ZFAND3: variants seen among roughly 807,000 people sequenced by gnomAD.
ZFAND3 encodes the protein AN1-type zinc finger protein 3.
A neutral mutation model predicts 29.6 loss-of-function variants in ZFAND3; 10 were observed. The observed-to-expected ratio is 0.34, with a 90% CI of 0.21 to 0.57. The LOEUF (loss-of-function observed/expected upper bound fraction) is 0.57. ZFAND3 is among the 20% of genes least tolerant of loss of function. The pLI is 0.86. For missense variants in ZFAND3, 230 were observed against 304.5 expected, an observed-to-expected ratio of 0.76 and a Z score of 1.82; for synonymous variants, 128 against 112.6, an observed-to-expected ratio of 1.14 and a Z score of -0.87.
intron 5 of ZFAND3, among the ~76,000 whole-genome samples, chr6:38,130,056 A>G (rs1258962804): frequency 6.6e-6 from 1 of 151,278 alleles, no homozygotes; most frequent in African/African-American, 2.4e-5. Flanking sequence ...GTATATTCCT[A>G]AGTTTTCATT....
intron 1 of ZFAND3, among the ~76,000 whole-genome samples, chr6:37,884,856 G>T (rs758603525): frequency 2.0e-5 from 3 of 152,198 alleles, no homozygotes; most frequent in Non-Finnish European, 2.9e-5. Context: ...GCCCTTGCCA[G>T]ATAGGACTAG....
At chr6:37,919,973 A>T (rs1277411717) in intron 1 of ZFAND3, among the ~76,000 whole-genome samples, 1 of 151,704 alleles carries the variant, frequency 6.6e-6, no homozygotes, top group Non-Finnish European at 1.5e-5. Flanking sequence ...CCTCTTTTGA[A>T]ATCCCAAACA....
rs533491767 is a variant in ZFAND3 at position 38,045,148 on chromosome 6, C to T, written c.113-16445C>T. Among the ~76,000 whole-genome samples the T allele has an allele frequency of 1.0e-3, 158 of 150,938 alleles. 1 individual carries two copies. In the Middle Eastern group the frequency reaches 0.014, roughly 13 times the overall value. The stretch of plus-strand genomic sequence containing the variant: ...GTCGCCCAGACTGGAGTGTTAGTGG[C>T]GGGATCTTGGCTCACTGCAACCTCC... On this transcript the variant is annotated intron_variant, in intron 2 of 5. Transcript: ENST00000287218.
chr6:38,093,917 A>G (rs1764922044), intron 4 of ZFAND3, among the ~76,000 whole-genome samples: 1 of 152,174 alleles, frequency 6.6e-6, no homozygotes, highest in Non-Finnish European at 1.5e-5. Flanking sequence ...CTAAAATACA[A>G]AGAAAAGGGA....
At chr6:37,945,342 C>T (rs1163316537) in intron 2 of ZFAND3, among the ~76,000 whole-genome samples, 1 of 152,146 alleles carries the variant, frequency 6.6e-6, no homozygotes, top group Non-Finnish European at 1.5e-5. Context: ...TGGAAAAATA[C>T]CACGTGGAGG....
At chr6:37,983,059 C>T (rs1314223363) in intron 2 of ZFAND3, among the ~76,000 whole-genome samples, 1 of 152,112 alleles carries the variant, frequency 6.6e-6, no homozygotes, top group Non-Finnish European at 1.5e-5. Flanking sequence ...TTTTGTACAG[C>T]TGTACATTGT....
intron 4 of ZFAND3, among the ~76,000 whole-genome samples, chr6:38,100,133 G>T (rs1236471340): frequency 2.0e-5 from 3 of 151,684 alleles, no homozygotes; most frequent in African/African-American, 7.3e-5. Context: ...GCATGACCTC[G>T]GCTCACTGCA....
chr6:37,874,855 G>A (rs1764764108), intron 1 of ZFAND3, among the ~76,000 whole-genome samples: 1 of 152,126 alleles, frequency 6.6e-6, no homozygotes, highest in African/African-American at 2.4e-5. Context: ...TATTACAGGT[G>A]TGAGCTACTG....
Position 37,822,558 on chromosome 6 carries a change from T to C in ZFAND3, c.71+2542T>C, listed in dbSNP as rs545550463. Among the ~76,000 whole-genome samples, 17 of 152,246 alleles carry C rather than the reference T, an allele frequency of 1.1e-4. No homozygotes were observed. The East Asian group carries it at 1.9e-3, about 17-fold the overall frequency. On this transcript the variant is annotated intron_variant, in intron 1 of 5. Transcript: ENST00000287218. ...AGATATTTGAATGCCTGTGATATAA[T>C]GGTGGGCAAGGAGGTGCTGGCCCCA...
chr6:38,018,855 T>C lies in ZFAND3; in HGVS notation c.113-42738T>C, dbSNP rs544392250. ...TGTATGTGCACTTTTCATTTTGATA[T>C]TGCCAAATTGCCCTCTGTAGAGGTT... On this transcript the variant is annotated intron_variant, in intron 2 of 5. Coordinates refer to ENST00000287218, the MANE Select transcript of ZFAND3 (RefSeq NM_021943.3). 1.3e-3 allele frequency among the ~76,000 whole-genome samples: 203 copies of C among 152,336 alleles called. 1 individual carries two copies. Among genetic ancestry groups the C allele is most frequent in the African/African-American group, 4.7e-3 (197 of 41,578 alleles).
At chr6:38,094,744 C>T (rs566614418) in intron 4 of ZFAND3, among the ~76,000 whole-genome samples, 4 of 152,272 alleles carry the variant, frequency 2.6e-5, no homozygotes, top group Non-Finnish European at 4.4e-5. Flanking sequence ...ATCATATCTT[C>T]GGTCGGCTAC....
chr6:37,957,831 G>A lies in ZFAND3; in HGVS notation c.112+27832G>A, dbSNP rs140916570. On this transcript the variant is annotated intron_variant, in intron 2 of 5. Transcript: ENST00000287218. ...TTATGAGGAAAAGCAGCAGGACCCT[G>A]GTAAATATTCCTGGTGGGATAATTT... Among the ~76,000 whole-genome samples, 8 of 152,196 alleles carry A rather than the reference G, an allele frequency of 5.3e-5. No individual in the cohort carries two copies. The East Asian group carries it at 1.5e-3, about 29-fold the overall frequency.
chr6:38,108,765 A>T (rs1455914152), intron 4 of ZFAND3, among the ~76,000 whole-genome samples: 1 of 152,182 alleles, frequency 6.6e-6, no homozygotes, highest in East Asian at 1.9e-4. Context: ...ACACACCCAG[A>T]CACATGCAGA....
chr6:37,857,166 G>A (rs989927619), intron 1 of ZFAND3, among the ~76,000 whole-genome samples: 1 of 152,086 alleles, frequency 6.6e-6, no homozygotes, highest in Middle Eastern at 3.4e-3. Context: ...TTATGTGTTT[G>A]TGCAACTATA....
chr6:37,853,328 G>T (rs1011058057), intron 1 of ZFAND3, among the ~76,000 whole-genome samples: 3 of 149,200 alleles, frequency 2.0e-5, no homozygotes, highest in Admixed American at 6.8e-5. Context: ...GAGATCCCAG[G>T]AGCACAAACT....
chr6:38,090,780 A>G (rs1764850727), intron 4 of ZFAND3, among the ~76,000 whole-genome samples: 1 of 152,230 alleles, frequency 6.6e-6, no homozygotes, highest in Non-Finnish European at 1.5e-5. Flanking sequence ...GAGGTAAAAT[A>G]TACTAATAAT....
rs1421780049 is a variant in ZFAND3, at chr6:38,154,508, T to A, written c.*2119T>A. On this transcript the variant is annotated 3_prime_UTR_variant, in exon 6 of 6. Transcript: ENST00000287218. ...AACCCTTTTGTGTTCTAGATTTACT[T>A]ACACACATAGCCTAGAGCTCAGTTT... The A allele has an allele frequency of 8.2e-6, 8 of 980,114 alleles. No individual in the cohort carries two copies. Among genetic ancestry groups the A allele is most frequent in the Non-Finnish European group, 9.7e-6 (8 of 824,818 alleles). 60.7% of individuals were successfully genotyped at this position (980,114 alleles called of 1,614,324 possible). A position where few individuals can be genotyped will look rare whatever the true frequency, so the allele number is the denominator to read the frequency against.
At chr6:37,854,985 TTGG>T (rs1764353647) in intron 1 of ZFAND3, among the ~76,000 whole-genome samples, 1 of 148,918 alleles carries the variant, frequency 6.7e-6, no homozygotes, top group African/African-American at 2.5e-5. Flanking sequence ...TTTTTTTTTT[TTGG>T]TGAGGCATTT....
intron 5 of ZFAND3, among the ~76,000 whole-genome samples, chr6:38,127,285 A>G (rs569560077): frequency 6.6e-6 from 1 of 152,348 alleles, no homozygotes; most frequent in East Asian, 1.9e-4. Context: ...GAAATGTTCA[A>G]ATATGTTCAC....
Sources: allele counts gnomAD v4.1 joint callset (sites outside exome capture counted in the v4.1 genomes callset), GRCh38; gene constraint gnomAD v4.1.1; transcripts MANE v1.5; gene names NCBI Gene and HGNC (gene_info 2026-07-23, HGNC 2026-07-21).